The following CHD1 variants were observed in gnomAD, a reference collection of about 807,000 sequenced individuals.
CHD1 encodes chromodomain helicase DNA binding protein 1, also known as ATP-dependent chromatin remodeler CHD1.
In CHD1, 36 loss-of-function variants were observed where a neutral mutation model predicts 224.2. The observed-to-expected ratio is 0.16, with a 90% confidence interval of 0.12 to 0.21. The LOEUF is 0.21. Ranked by LOEUF, CHD1 falls within the 10% of genes least tolerant of loss-of-function variation. The pLI, the probability that CHD1 is intolerant of heterozygous loss-of-function variation, is 1.00. For synonymous variants in CHD1, 668 were observed against 658.3 expected, an observed-to-expected ratio of 1.01 and a Z score of -0.23; for missense variants, 1,378 against 1,994.8, an observed-to-expected ratio of 0.69 and a Z score of 5.89.
Position 98,872,109 on chromosome 5 carries a change from T to C in CHD1, c.3803A>G (p.Tyr1268Cys). ...AATCATTTCCCAGCTTCCATATCCA[T>C]ATTCATAGATGCCAATTAACAAATT... ...DSNLLIGIYE[Y>C]GYGSWEMIKM... Residue 1268 changes from tyrosine (Y) to cysteine (C), a missense_variant, in exon 28 of 36, where the codon TAT becomes TGT. Tyr to Cys is a radical substitution (Grantham distance 194, BLOSUM62 -2). This residue lies in a region of CHD1 where 286 missense variants were observed against 445.1 expected (regional missense o/e 0.64). Coordinates refer to ENST00000614616, the MANE Select transcript of CHD1 (RefSeq NM_001270.4). 1 of 1,613,324 alleles carries C rather than the reference T, an allele frequency of 6.2e-7. No individual in the cohort carries two copies. Among genetic ancestry groups the C allele is most frequent in the South Asian group, 1.1e-5 (1 of 91,054 alleles).
chr5:98,898,973 T>A lies in CHD1; in HGVS notation c.1086-209A>T, dbSNP rs188760759. ...TTTATAATGTATGAGACACACTCTA[T>A]GTGACTGTTACCAAGGATAGGTTTA... On this transcript the variant is annotated intron_variant, in intron 8 of 35. Coordinates refer to ENST00000614616, the MANE Select transcript of CHD1 (RefSeq NM_001270.4). 1.6e-3 allele frequency among the ~76,000 whole-genome samples: 248 copies of A among 152,352 alleles called. 2 individuals are homozygous for A. The highest frequency in any genetic ancestry group is 2.0e-3 in the Non-Finnish European group (139 of 68,016).
chr5:98,868,681 A>G (rs1343200089), intron 30 of CHD1, 46 bp from the exon 31 acceptor site: 1 of 1,496,994 alleles, frequency 6.7e-7, no homozygotes, highest in Non-Finnish European at 8.9e-7. Context: ...CCCAATAGCA[A>G]CAAAGGCAAA....
chr5:98,916,797 G>T (rs1481314171), intron 2 of CHD1, among the ~76,000 whole-genome samples: 1 of 151,992 alleles, frequency 6.6e-6, no homozygotes. Flanking sequence ...CAGATGCTAG[G>T]GTGGACAATG....
At position 98,896,006 on chromosome 5, in the gene CHD1, C is replaced by T. The variant is rs138465302; in HGVS notation, c.1710+220G>A. Reference sequence around the variant, plus strand: ...CAGATCACTTGAGCTCAGTTCAAGACCAGCCTGGCAACACAGTAAAACCCT... The same window carrying T: ...CAGATCACTTGAGCTCAGTTCAAGATCAGCCTGGCAACACAGTAAAACCCT... On this transcript the variant is annotated intron_variant, in intron 12 of 35. Coordinates refer to ENST00000614616, the MANE Select transcript of CHD1 (RefSeq NM_001270.4). 9.2e-5 allele frequency among the ~76,000 whole-genome samples: 14 copies of T among 152,136 alleles called. No homozygotes were observed. The East Asian group carries it at 2.3e-3, about 25-fold the overall frequency.
intron 8 of CHD1, among the ~76,000 whole-genome samples, chr5:98,899,150 C>G (rs962186734): frequency 2.6e-5 from 4 of 152,092 alleles, no homozygotes; most frequent in Non-Finnish European, 4.4e-5. Context: ...AAATATAACC[C>G]ACACACATCC....
rs1039674382 is a variant in CHD1, at chr5:98,928,529, C to G, written c.-149+10G>C. On this transcript the variant is annotated intron_variant, in intron 1 of 35. Coordinates refer to ENST00000614616, the MANE Select transcript of CHD1 (RefSeq NM_001270.4). ...CCACATCCTGACCCGCCCGCCGCCC[C>G]CTTTCTTACCGGCGGGCTTGGCGGG... The G allele has an allele frequency of 7.2e-5, 11 of 152,246 alleles. No individual in the cohort carries two copies. The highest frequency in any genetic ancestry group is 2.6e-4 in the African/African-American group (11 of 41,532). The allele number at this position is 152,246 out of a possible 1,614,324, so 9.4% of individuals were successfully genotyped here.
intron 28 of CHD1, 96 bp downstream of exon 28, chr5:98,871,955 C>T: frequency 2.5e-6 from 3 of 1,191,342 alleles, no homozygotes; most frequent in South Asian, 3.4e-5. Flanking sequence ...GCCTTGGTTT[C>T]CAGATTTCCA....
Position 98,893,576 on chromosome 5 carries a change from T to C in CHD1, c.1831A>G (p.Ile611Val), listed in dbSNP as rs961613416. Residue 611 changes from isoleucine to valine, a missense_variant, in exon 14 of 36, where the codon ATA (isoleucine) becomes GTA (valine). Transcript: ENST00000614616. ...AFLGGLNWAFIGVDEAHRLKN... is the reference protein window; with the variant it reads ...AFLGGLNWAFVGVDEAHRLKN... Reference sequence around the variant, plus strand: ...AATCGGTGTGCTTCATCAACACCTATAAATGCCCAATTTAGACCTCCAAGG... The same window carrying C: ...AATCGGTGTGCTTCATCAACACCTACAAATGCCCAATTTAGACCTCCAAGG... The C allele has an allele frequency of 6.2e-7, 1 of 1,606,322 alleles. No individual in the cohort carries two copies. Among genetic ancestry groups the C allele is most frequent in the Non-Finnish European group, 8.5e-7 (1 of 1,176,642 alleles).
chr5:98,907,801 A>C (rs1752145271), intron 2 of CHD1, among the ~76,000 whole-genome samples: 1 of 152,084 alleles, frequency 6.6e-6, no homozygotes, highest in Non-Finnish European at 1.5e-5. Flanking sequence ...GATGGCCTAA[A>C]GAGAGGGAGG....
chr5:98,912,210 A>AG (rs1232636493), intron 2 of CHD1, among the ~76,000 whole-genome samples: 1 of 152,228 alleles, frequency 6.6e-6, no homozygotes, highest in Non-Finnish European at 1.5e-5. Context: ...TAAAAGCCAC[A>AG]GAAGTGAACA....
chr5:98,908,339 C>A (rs963177185), intron 2 of CHD1, among the ~76,000 whole-genome samples: 4 of 152,174 alleles, frequency 2.6e-5, no homozygotes, highest in African/African-American at 9.7e-5. Flanking sequence ...AACGTTAAAT[C>A]AGGTTTACTT....
intron 30 of CHD1, chr5:98,869,551 T>C (rs1231713218): frequency 2.4e-5 from 14 of 579,304 alleles, no homozygotes; most frequent in Non-Finnish European, 3.5e-5. Flanking sequence ...ATATAATATC[T>C]ACTGGACAGT....
chr5:98,906,293 T>G (rs549274691), intron 2 of CHD1, among the ~76,000 whole-genome samples: 22 of 152,290 alleles, frequency 1.4e-4, no homozygotes, highest in African/African-American at 5.1e-4. Flanking sequence ...AGGCATATGC[T>G]ATGAAGATCA....
chr5:98,905,843 AAT>A (rs1752016799), intron 2 of CHD1, among the ~76,000 whole-genome samples: 1 of 152,204 alleles, frequency 6.6e-6, no homozygotes, highest in Admixed American at 6.5e-5. Context: ...ATAGAGCAGA[AAT>A]AGTCTGGACT....
At chr5:98,883,366 A>C in intron 18 of CHD1, 129 bp from the exon 19 acceptor site, 1 of 491,132 alleles carries the variant, frequency 2.0e-6, no homozygotes, top group Non-Finnish European at 3.6e-6. Flanking sequence ...CAATCAACAA[A>C]AAGACTCCAA....
At chr5:98,874,413 C>G (rs913252804) in intron 25 of CHD1, among the ~76,000 whole-genome samples, 2 of 151,712 alleles carry the variant, frequency 1.3e-5, no homozygotes, top group Admixed American at 6.6e-5. Flanking sequence ...GAAAATATCT[C>G]TACTTAGGGA....
rs368338637 is a variant in CHD1, at chr5:98,865,041, GACA to G, written c.4249-1458_4249-1456del. Among the ~76,000 whole-genome samples the G allele has an allele frequency of 3.0e-4, 45 of 152,192 alleles. No homozygotes were observed. The East Asian group carries it at 6.6e-3, about 22-fold the overall frequency. On this transcript the variant is annotated intron_variant, in intron 31 of 35. Transcript: ENST00000614616. ...ATGAACAAGAAATAGTATGTCAGATGACAACAACTGTGATAAAGAAAAATAAAG... is the reference window on the plus strand; with the variant it reads ...ATGAACAAGAAATAGTATGTCAGATGACAACTGTGATAAAGAAAAATAAAG...
rs1749760291 is a variant in CHD1 at position 98,876,392 on chromosome 5, C to A, written c.3398+6G>T. 1.9e-6 allele frequency: 3 copies of A among 1,613,378 alleles called. No homozygotes were observed. The highest frequency in any genetic ancestry group is 2.5e-6 in the Non-Finnish European group (3 of 1,179,452). ...AAGTTGAAGCGATTGTCTTATAACA[C>A]CTTACCGCCTAATTTCTGCATCACT... is the stretch of plus-strand genomic sequence containing the variant. On this transcript the variant is annotated splice_donor_region_variant and intron_variant, in intron 24 of 35. Coordinates refer to ENST00000614616, the MANE Select transcript of CHD1 (RefSeq NM_001270.4).
intron 2 of CHD1, among the ~76,000 whole-genome samples, chr5:98,916,529 G>C (rs1017256920): frequency 1.0e-5 from 1 of 96,162 alleles, no homozygotes; most frequent in Non-Finnish European, 1.9e-5. Flanking sequence ...TGGGCAACAA[G>C]AGTGAAACTC....
Sources: allele counts gnomAD v4.1 joint callset (sites outside exome capture counted in the v4.1 genomes callset), GRCh38; gene constraint gnomAD v4.1.1; regional missense constraint gnomAD v4.1.1; transcripts MANE v1.5; gene names NCBI Gene and HGNC (gene_info 2026-07-23, HGNC 2026-07-21).